AARS1: variants seen among roughly 807,000 people sequenced by gnomAD.
AARS1 encodes alanine--tRNA ligase, cytoplasmic.
In AARS1, 72 loss-of-function variants were observed where a neutral mutation model predicts 108.9. That is an observed-to-expected ratio of 0.66 (90% CI 0.55 to 0.80). The LOEUF (loss-of-function observed/expected upper bound fraction) is 0.80. Ranked by LOEUF, AARS1 falls within the 30% of genes least tolerant of loss-of-function variation. AARS1 has a pLI of 0.00. For missense variants in AARS1, 1,193 were observed against 1,233.2 expected (o/e 0.97, Z 0.49); for synonymous variants, 489 against 465.7 (o/e 1.05, Z -0.64).
At chr16:70,275,829 C>G (rs926058885) in intron 4 of AARS1, among the ~76,000 whole-genome samples, 2 of 143,184 alleles carry the variant, frequency 1.4e-5, no homozygotes, top group South Asian at 4.4e-4. Flanking sequence ...CCCAGCTACT[C>G]AGGAGGCTGA....
In AARS1 at chr16:70,265,641, T is replaced by A; in HGVS notation, c.1244A>T (p.Tyr415Phe). ...TIPGDTAWLL[Y>F]DTYGFPVDLT... ...ATCCACTGGAAACCCATAGGTGTCA[T>A]AGAGGAGCCAAGCAGTGTCTCCTAC... Residue 415 changes from tyrosine to phenylalanine, a missense_variant, in exon 10 of 21, where the codon TAT becomes TTT. Coordinates refer to ENST00000261772, the MANE Select transcript of AARS1 (RefSeq NM_001605.3). 6.2e-7 allele frequency: 1 copy of A among 1,613,870 alleles called. No homozygotes were observed. The highest frequency in any genetic ancestry group is 8.5e-7 in the Non-Finnish European group (1 of 1,179,870).
intron 1 of AARS1, among the ~76,000 whole-genome samples, chr16:70,288,992 G>A (rs1567615325): frequency 6.6e-6 from 1 of 152,112 alleles, no homozygotes; most frequent in African/African-American, 2.4e-5. Flanking sequence ...AGCACACCGA[G>A]AAATACAAAC....
intron 4 of AARS1, among the ~76,000 whole-genome samples, chr16:70,272,898 A>ACACACACACACACACG (rs1177297277): frequency 1.3e-5 from 2 of 150,028 alleles, no homozygotes; most frequent in African/African-American, 4.9e-5. Flanking sequence ...TGACACACAC[A>ACACACACACACACACG]CACACACACA....
In AARS1 at chr16:70,276,477, C is replaced by T; in HGVS notation, c.479+9G>A. 1.2e-6 allele frequency: 2 copies of T among 1,613,812 alleles called. No homozygotes were observed. The highest frequency in any genetic ancestry group is 1.7e-6 in the Non-Finnish European group (2 of 1,179,864). ...CTCCATACTCTCAAGAAGTGATGTG[C>T]ATTCTTACCCCAAATTTTGCCAGAT... is the stretch of plus-strand genomic sequence containing the variant. On this transcript the variant is annotated intron_variant, in intron 4 of 20. Coordinates refer to ENST00000261772, the MANE Select transcript of AARS1 (RefSeq NM_001605.3).
intron 20 of AARS1, 63 bp downstream of exon 20, chr16:70,253,188 GAATGCAGGCTGTACACA>G: frequency 1.6e-6 from 2 of 1,238,234 alleles, no homozygotes; most frequent in Non-Finnish European, 2.4e-6. Flanking sequence ...AGGCTGTTTC[GAATGCAGGCTGTACACA>G]CACAGGCCTC....
chr16:70,276,282 T>C, intron 4 of AARS1: 1 of 553,306 alleles, frequency 1.8e-6, no homozygotes, highest in Non-Finnish European at 3.3e-6. Flanking sequence ...TCGCCCAGGC[T>C]GGAGTGCAGT....
intron 15 of AARS1, 140 bp from the exon 16 acceptor site, chr16:70,255,976 G>A (rs1047503796): frequency 1.5e-5 from 11 of 747,786 alleles, no homozygotes; most frequent in South Asian, 7.8e-5. Context: ...GACACCAAGC[G>A]GGACACCAGC....
intron 8 of AARS1, 56 bp downstream of exon 8, chr16:70,268,215 C>T: frequency 6.6e-7 from 1 of 1,505,502 alleles, no homozygotes; most frequent in Admixed American, 1.7e-5. Context: ...TCTCCCACTC[C>T]ATCCCTCTTA....
intron 1 of AARS1, among the ~76,000 whole-genome samples, chr16:70,287,354 G>C (rs961120651): frequency 1.4e-5 from 2 of 147,854 alleles, no homozygotes; most frequent in African/African-American, 5.3e-5. Flanking sequence ...CTTGAACCTG[G>C]GAGGCGGTGG....
intron 19 of AARS1, 99 bp from the exon 20 acceptor site, chr16:70,253,480 C>T (rs893014275): frequency 8.8e-7 from 1 of 1,131,944 alleles, no homozygotes; most frequent in Admixed American, 1.9e-5. Flanking sequence ...CACCCCTACC[C>T]CTTCCCAGAG....
intron 2 of AARS1, among the ~76,000 whole-genome samples, chr16:70,279,258 G>T (rs1960630336): frequency 6.7e-6 from 1 of 149,092 alleles, no homozygotes; most frequent in Admixed American, 6.8e-5. Context: ...GGCTGAGGCA[G>T]GAGAACTGCT....
Position 70,252,656 on chromosome 16 carries a change from C to T in AARS1, c.*65G>A. On this transcript the variant is annotated 3_prime_UTR_variant, in exon 21 of 21. Coordinates refer to ENST00000261772, the MANE Select transcript of AARS1 (RefSeq NM_001605.3). ...TTAAAGGTCCCAAGATTCAAATGTT[C>T]TTGTAGCAGATGAAGAGCTCTTGGC... The T allele has an allele frequency of 1.3e-6, 2 of 1,570,382 alleles. No homozygotes were observed. The highest frequency in any genetic ancestry group is 1.7e-6 in the Non-Finnish European group (2 of 1,143,588).
Position 70,256,800 on chromosome 16 carries a change from G to A in AARS1, c.2178-964C>T, listed in dbSNP as rs74732192. On this transcript the variant is annotated intron_variant, in intron 15 of 20. Coordinates refer to ENST00000261772, the MANE Select transcript of AARS1 (RefSeq NM_001605.3). Reference sequence around the variant, plus strand: ...CAGAGGCCTGCAGGAGACCCTGGAGGGTCTCAACCATGACATTAAGAATGT... The same window carrying A: ...CAGAGGCCTGCAGGAGACCCTGGAGAGTCTCAACCATGACATTAAGAATGT... Among the ~76,000 whole-genome samples the A allele has an allele frequency of 2.8e-3, 432 of 152,094 alleles. 9 individuals carry two copies. Among genetic ancestry groups the A allele is most frequent in the Admixed American group, 0.02 (298 of 15,270 alleles).
intron 1 of AARS1, among the ~76,000 whole-genome samples, chr16:70,284,065 AG>A (rs1960778267): frequency 6.6e-6 from 1 of 152,078 alleles, no homozygotes; most frequent in Non-Finnish European, 1.5e-5. Flanking sequence ...TAAAAAAATT[AG>A]CCAGGTGGGT....
chr16:70,264,939 A>G lies in AARS1; in HGVS notation c.1492+19T>C, dbSNP rs749277642. On this transcript the variant is annotated intron_variant, in intron 11 of 20. Coordinates refer to ENST00000261772, the MANE Select transcript of AARS1 (RefSeq NM_001605.3). ...TACGGGGCAGAATGCTCAGATGTGG[A>G]AGGAGCACAGCAACATACCATAGCT... 2 of 1,614,050 alleles carry G rather than the reference A, an allele frequency of 1.2e-6. No individual in the cohort carries two copies. The highest frequency in any genetic ancestry group is 1.6e-4 in the Middle Eastern group (1 of 6,062).
In AARS1 at chr16:70,276,481, C is replaced by A. The variant is rs1487772006; in HGVS notation, c.479+5G>T. 2 of 1,613,798 alleles carry A rather than the reference C, an allele frequency of 1.2e-6. No individual in the cohort carries two copies. Among genetic ancestry groups the A allele is most frequent in the Non-Finnish European group, 8.5e-7 (1 of 1,179,946 alleles). On this transcript the variant is annotated splice_donor_5th_base_variant and intron_variant, in intron 4 of 20. Transcript: ENST00000261772. ...ATACTCTCAAGAAGTGATGTGCATT[C>A]TTACCCCAAATTTTGCCAGATCTGT...
intron 4 of AARS1, among the ~76,000 whole-genome samples, chr16:70,275,652 A>G (rs1960526289): frequency 1.3e-5 from 2 of 151,630 alleles, no homozygotes; most frequent in Non-Finnish European, 2.9e-5. Context: ...AGTCCCAGCT[A>G]CTCGGGAGGC....
Position 70,265,570 on chromosome 16 carries a change from C to A in AARS1, c.1315G>T (p.Asp439Tyr). Residue 439 changes from aspartate (D) to tyrosine (Y), a missense_variant, in exon 10 of 21, where the codon GAT (aspartate) becomes TAT (tyrosine). Physicochemically the swap from Asp to Tyr is radical, Grantham distance 160 (BLOSUM62 -3). Coordinates refer to ENST00000261772, the MANE Select transcript of AARS1 (RefSeq NM_001605.3). ...AEEKGLVVDM[D>Y]GFEEERKLAQ... Reference sequence around the variant, plus strand: ...AGTTTCCTCTCCTCTTCAAAGCCATCCATGTCTACCACCAGGCCCTTCTCT... The same window carrying A: ...AGTTTCCTCTCCTCTTCAAAGCCATACATGTCTACCACCAGGCCCTTCTCT... 3 of 1,614,088 alleles carry A rather than the reference C, an allele frequency of 1.9e-6. No homozygotes were observed. The highest frequency in any genetic ancestry group is 2.5e-6 in the Non-Finnish European group (3 of 1,179,966).
In AARS1 at chr16:70,277,120, G is replaced by A; in HGVS notation, c.179C>T (p.Ser60Phe). Reference protein sequence around the residue: ...KPIFLNTIDPSHPMAKLSRAA... With the variant: ...KPIFLNTIDPFHPMAKLSRAA... ...TCTGCTCAGCTTTGCCATGGGGTGA[G>A]ATGGGTCAATTGTGTTCAGGAAAAT... Residue 60 changes from serine (S) to phenylalanine (F), a missense_variant, in exon 3 of 21, where the codon TCT becomes TTT. Physicochemically the swap from Ser to Phe is radical, Grantham distance 155. Transcript: ENST00000261772. The A allele has an allele frequency of 1.2e-6, 2 of 1,614,164 alleles. No homozygotes were observed. The highest frequency in any genetic ancestry group is 1.7e-6 in the Non-Finnish European group (2 of 1,180,036).
Sources: allele counts gnomAD v4.1 joint callset (sites outside exome capture counted in the v4.1 genomes callset), GRCh38; gene constraint gnomAD v4.1.1; transcripts MANE v1.5; gene names NCBI Gene and HGNC (gene_info 2026-07-23, HGNC 2026-07-21).